GTSE1: variants seen among roughly 807,000 people sequenced by gnomAD.
GTSE1 encodes the protein G2 and S-phase expressed 1, also known as G2 and S phase-expressed protein 1.
GTSE1 carries 52 observed loss-of-function variants against 60.5 expected under a neutral mutation model. The observed-to-expected ratio is 0.86, with a 90% CI of 0.69 to 1.08. The LOEUF is 1.08. GTSE1 is among the 50% of genes least tolerant of loss of function. GTSE1 has a pLI of 0.00. For missense variants in GTSE1, 937 were observed against 961.8 expected, an observed-to-expected ratio of 0.97 and a Z score of 0.34; for synonymous variants, 368 against 386.5, an observed-to-expected ratio of 0.95 and a Z score of 0.56.
At position 46,316,314 on chromosome 22, in the gene GTSE1, A is replaced by G; in HGVS notation, c.1334A>G (p.Lys445Arg). ...TGGTCAGAATCTTCTCAATTGAATAAGACTAGAAGTATCAGACGGCGAGAT... is the reference window on the plus strand; with the variant it reads ...TGGTCAGAATCTTCTCAATTGAATAGGACTAGAAGTATCAGACGGCGAGAT... ...CAWSESSQLNKTRSIRRRDSC... is the reference protein window; with the variant it reads ...CAWSESSQLNRTRSIRRRDSC... Residue 445 changes from lysine to arginine, a missense_variant, in exon 7 of 12, where the codon AAG becomes AGG. Transcript: ENST00000454366. This position sits in a 1 kb window ranked among gnomAD's most constrained non-coding sequence, Gnocchi z 5.0. 2 of 1,614,032 alleles carry G rather than the reference A, an allele frequency of 1.2e-6. No individual in the cohort carries two copies. Among genetic ancestry groups the G allele is most frequent in the Non-Finnish European group, 1.7e-6 (2 of 1,179,866 alleles).
At chr22:46,327,893 T>C (rs2077853186) in intron 9 of GTSE1, among the ~76,000 whole-genome samples, 2 of 152,106 alleles carry the variant, frequency 1.3e-5, no homozygotes, top group African/African-American at 4.8e-5. Context: ...AGGCATGGAA[T>C]GCCAAAGAGA....
chr22:46,299,853 C>T (rs1304786777), intron 2 of GTSE1, among the ~76,000 whole-genome samples: 3 of 150,220 alleles, frequency 2.0e-5, no homozygotes, highest in Admixed American at 1.3e-4. Flanking sequence ...AGTGCAGTGG[C>T]GTGATCTCGG....
rs368372781 is a variant in GTSE1 at position 46,302,862 on chromosome 22, A to G, written c.80-5288A>G. On this transcript the variant is annotated intron_variant, in intron 2 of 11. Transcript: ENST00000454366. ...TTGGCATTTTTCCAGATGATTATGT[A>G]GTTTATTTTAATACCATTTTTTCAC... is the stretch of plus-strand genomic sequence containing the variant. 2.1e-5 allele frequency among the ~76,000 whole-genome samples: 3 copies of G among 143,462 alleles called. No homozygotes were observed. The East Asian group carries it at 6.0e-4, about 29-fold the overall frequency. The allele number at this position is 143,462 out of a possible 152,430, so 94.1% of individuals were successfully genotyped here.
rs780713131 is a variant in GTSE1 at position 46,330,256 on chromosome 22, G to A, written c.*126G>A. 11 of 651,132 alleles carry A rather than the reference G, an allele frequency of 1.7e-5. No homozygotes were observed. The Middle Eastern group carries it at 7.7e-4, about 46-fold the overall frequency. 40.3% of individuals were successfully genotyped at this position (651,132 alleles called of 1,614,324 possible). A position where few individuals can be genotyped will look rare whatever the true frequency, so the allele number is the denominator to read the frequency against. On this transcript the variant is annotated 3_prime_UTR_variant, in exon 12 of 12. Transcript: ENST00000454366. This position sits in a 1 kb window ranked among gnomAD's most constrained non-coding sequence, Gnocchi z 6.0. ...TAGAACTTGGGAGGCTGAGGTGGGC[G>A]GATTACTTGAGCCCAGGAGTTCGGG... is the stretch of plus-strand genomic sequence containing the variant.
rs765830833 is a variant in GTSE1, at chr22:46,308,185, G to A, written c.115G>A (p.Asp39Asn). ...LLLADEKFDFDLSLSSSSANE... is the reference protein window; with the variant it reads ...LLLADEKFDFNLSLSSSSANE... ...TTTGGCCGATGAAAAATTTGACTTC[G>A]ATCTTTCATTGTCTTCTTCGAGGTA... The change falls in exon 3 of 12, where the codon GAT (aspartate) becomes AAT (asparagine). Residue 39 changes from aspartate (D) to asparagine (N), a missense_variant. Transcript: ENST00000454366. 5.6e-6 allele frequency: 9 copies of A among 1,613,140 alleles called. No individual in the cohort carries two copies. Among genetic ancestry groups the A allele is most frequent in the South Asian group, 1.1e-5 (1 of 91,034 alleles).
chr22:46,329,559 G>T lies in GTSE1; in HGVS notation c.2128G>T (p.Val710Leu), dbSNP rs368413568. ...AAATGTGGCCAAACCTTCACCGGTG[G>T]TGGGACAGGTGAGAAGTGGCAGGTG... ...NKNVAKPSPVVGQLIDLSSPL... is the reference protein window; with the variant it reads ...NKNVAKPSPVLGQLIDLSSPL... Residue 710 changes from valine (V) to leucine (L), a missense_variant, in exon 11 of 12, where the codon GTG becomes TTG. Coordinates refer to ENST00000454366, the MANE Select transcript of GTSE1 (RefSeq NM_016426.7). This position sits in a 1 kb window ranked among gnomAD's most constrained non-coding sequence, Gnocchi z 6.4. 4.8e-5 allele frequency: 77 copies of T among 1,612,928 alleles called. No individual in the cohort carries two copies. The highest frequency in any genetic ancestry group is 1.6e-4 in the Middle Eastern group (1 of 6,074).
rs2077834182 is a variant in GTSE1 at position 46,324,707 on chromosome 22, G to C, written c.1505+1445G>C. Reference sequence around the variant, plus strand: ...ACTGGAATTTGTGGTGGGGCTGCCAGAACTTAGCAATAAAGGGAGGAGGGT... The same window carrying C: ...ACTGGAATTTGTGGTGGGGCTGCCACAACTTAGCAATAAAGGGAGGAGGGT... On this transcript the variant is annotated intron_variant, in intron 8 of 11. Coordinates refer to ENST00000454366, the MANE Select transcript of GTSE1 (RefSeq NM_016426.7). This position sits in a 1 kb window ranked among gnomAD's most constrained non-coding sequence, Gnocchi z 5.2. Among the ~76,000 whole-genome samples the C allele has an allele frequency of 1.3e-5, 2 of 152,186 alleles. No homozygotes were observed.
chr22:46,322,212 G>T (rs945541694), intron 7 of GTSE1, among the ~76,000 whole-genome samples: 2 of 152,122 alleles, frequency 1.3e-5, no homozygotes, highest in Non-Finnish European at 2.9e-5. Context: ...GCGGGCATAG[G>T]CTTGTTAAGA....
In GTSE1 at chr22:46,296,918, G is replaced by A. The variant is rs897331448; in HGVS notation, c.-35G>A. On this transcript the variant is annotated 5_prime_UTR_variant, in exon 1 of 12. Coordinates refer to ENST00000454366, the MANE Select transcript of GTSE1 (RefSeq NM_016426.7). The stretch of plus-strand genomic sequence containing the variant: ...CCGTGCCGGAGGCGCGTCCTGCATC[G>A]TCTGCCGCTTTGGGTAAGGTGGGGT... 5.6e-5 allele frequency: 9 copies of A among 159,644 alleles called. No homozygotes were observed. The highest frequency in any genetic ancestry group is 7.2e-5 in the African/African-American group (3 of 41,630). The allele number at this position is 159,644 out of a possible 1,614,324, so 9.9% of individuals were successfully genotyped here.
At chr22:46,326,408 C>A in intron 8 of GTSE1, 28 bp from the exon 9 acceptor site, 1 of 1,541,208 alleles carries the variant, frequency 6.5e-7, no homozygotes. Flanking sequence ...GTCATCTCAG[C>A]TCACGACACT....
chr22:46,311,341 G>T (rs2077747639), intron 4 of GTSE1, among the ~76,000 whole-genome samples: 1 of 152,162 alleles, frequency 6.6e-6, no homozygotes, highest in Non-Finnish European at 1.5e-5. Context: ...GCCTCACAAA[G>T]TGCTGGGATT....
At chr22:46,325,032 A>T (rs1478166144) in intron 8 of GTSE1, among the ~76,000 whole-genome samples, 2 of 152,166 alleles carry the variant, frequency 1.3e-5, no homozygotes. Flanking sequence ...TCGACTATGT[A>T]GCTTGAACAA....
In GTSE1 at chr22:46,314,032, T is replaced by C. The variant is rs367760955; in HGVS notation, c.1051+19T>C. On this transcript the variant is annotated intron_variant, in intron 6 of 11. Coordinates refer to ENST00000454366, the MANE Select transcript of GTSE1 (RefSeq NM_016426.7). This position sits in a 1 kb window ranked among gnomAD's most constrained non-coding sequence, Gnocchi z 7.1. ...GGCAAAGGTGAGGCAGCCGGCATCA[T>C]GCTTGGACCCACATCTGGCCAGGTG... 1 of 1,613,340 alleles carries C rather than the reference T, an allele frequency of 6.2e-7. No individual in the cohort carries two copies. The highest frequency in any genetic ancestry group is 1.3e-5 in the African/African-American group (1 of 74,910).
chr22:46,308,163 G>A lies in GTSE1; in HGVS notation c.93G>A (p.Leu31=). ...DDPKKEDILL[L]ADEKFDFDLS... is the part of the protein sequence containing the mutation. ...TTTTCCCTCTAGACATTCTTCTTTT[G>A]GCCGATGAAAAATTTGACTTCGATC... The change falls in exon 3 of 12, where the codon TTG becomes TTA. Residue 31 remains leucine (L), a synonymous_variant. Transcript: ENST00000454366. The A allele has an allele frequency of 6.2e-7, 1 of 1,611,040 alleles. No homozygotes were observed.
Position 46,308,208 on chromosome 22 carries a change from G to A in GTSE1, c.137+1G>A. 1.2e-6 allele frequency: 2 copies of A among 1,612,716 alleles called. No homozygotes were observed. The highest frequency in any genetic ancestry group is 1.7e-6 in the Non-Finnish European group (2 of 1,178,812). ...TCGATCTTTCATTGTCTTCTTCGAGGTAAACAAATGAGTTTTCTTCCCTTG... is the reference window on the plus strand; with the variant it reads ...TCGATCTTTCATTGTCTTCTTCGAGATAAACAAATGAGTTTTCTTCCCTTG... On this transcript the variant is annotated splice_donor_variant, in intron 3 of 11. Coordinates refer to ENST00000454366, the MANE Select transcript of GTSE1 (RefSeq NM_016426.7). LOFTEE classifies it high-confidence loss of function.
rs1217856408 is a variant in GTSE1 at position 46,324,986 on chromosome 22, C to G, written c.1506-1450C>G. Among the ~76,000 whole-genome samples, 1 of 152,124 alleles carries G rather than the reference C, an allele frequency of 6.6e-6. No homozygotes were observed. Among genetic ancestry groups the G allele is most frequent in the African/African-American group, 2.4e-5 (1 of 41,418 alleles). On this transcript the variant is annotated intron_variant, in intron 8 of 11. Transcript: ENST00000454366. The surrounding 1 kb of genome is among the most constrained non-coding windows in gnomAD (Gnocchi z 5.2). ...GACTCATTTTATTTTAAAATAATGT[C>G]TTTGTCCTTTTTGGGCTACTATAAC...
At chr22:46,298,887 CTT>C (rs1384752859) in intron 2 of GTSE1, among the ~76,000 whole-genome samples, 1 of 152,222 alleles carries the variant, frequency 6.6e-6, no homozygotes, top group Non-Finnish European at 1.5e-5. Context: ...CCTTGTCTCA[CTT>C]GTCGCCACGT....
intron 2 of GTSE1, among the ~76,000 whole-genome samples, chr22:46,299,356 C>T (rs1230951236): frequency 6.6e-6 from 1 of 152,264 alleles, no homozygotes; most frequent in Non-Finnish European, 1.5e-5. Context: ...TTGAGCGCAG[C>T]CTCTCCTCCG....
Position 46,318,391 on chromosome 22 carries a change from G to A in GTSE1, c.1432+1979G>A, listed in dbSNP as rs1048341813. The stretch of plus-strand genomic sequence containing the variant: ...TTCTGCTGAGTGTCTTCTCTGTGCT[G>A]GAATGCTTTGGGGGACAAGGGACAT... On this transcript the variant is annotated intron_variant, in intron 7 of 11. Coordinates refer to ENST00000454366, the MANE Select transcript of GTSE1 (RefSeq NM_016426.7). This position sits in a 1 kb window ranked among gnomAD's most constrained non-coding sequence, Gnocchi z 4.8. Among the ~76,000 whole-genome samples, 39 of 152,262 alleles carry A rather than the reference G, an allele frequency of 2.6e-4. No homozygotes were observed. The highest frequency in any genetic ancestry group is 9.1e-4 in the African/African-American group (38 of 41,546).
Sources: allele counts gnomAD v4.1 joint callset (sites outside exome capture counted in the v4.1 genomes callset), GRCh38; gene constraint gnomAD v4.1.1; non-coding constraint Gnocchi (gnomAD v3.1); transcripts MANE v1.5; gene names NCBI Gene and HGNC (gene_info 2026-07-23, HGNC 2026-07-21).